Variants in RIMBP2 observed in about 807,000 individuals in gnomAD.
RIMBP2 encodes the protein RIMS-binding protein 2.
In RIMBP2, 48 loss-of-function variants were observed where a neutral mutation model predicts 118.6. The observed-to-expected ratio is 0.40, with a 90% CI of 0.32 to 0.51. The LOEUF (loss-of-function observed/expected upper bound fraction) is 0.51, where lower values mean the gene tolerates loss of function less well. Ranked by LOEUF, RIMBP2 falls within the 20% of genes least tolerant of loss-of-function variation. RIMBP2 has a pLI of 0.41. For missense variants in RIMBP2, 1,551 were observed against 1,768.3 expected (o/e 0.88, Z 2.20); for synonymous variants, 762 against 742.9 (o/e 1.03, Z -0.42).
intron 2 of RIMBP2, among the ~76,000 whole-genome samples, chr12:130,584,103 T>TTAAATCACCAC (rs1491299089): frequency 2.4e-5 from 3 of 127,234 alleles, no homozygotes; most frequent in African/African-American, 9.0e-5. Flanking sequence ...CTCATCACCA[T>TTAAATCACCAC]TACATCACCA....
At chr12:130,561,752 G>A (rs181134638) in intron 2 of RIMBP2, among the ~76,000 whole-genome samples, 1 of 152,222 alleles carries the variant, frequency 6.6e-6, no homozygotes. Flanking sequence ...GAACGCAGAG[G>A]CAGCCATCCT....
chr12:130,526,605 A>G (rs1311297994), intron 2 of RIMBP2, among the ~76,000 whole-genome samples: 2 of 152,150 alleles, frequency 1.3e-5, no homozygotes, highest in African/African-American at 4.8e-5. Context: ...CTGCTCATTC[A>G]TTTTGGCCTT....
chr12:130,694,798 G>A (rs947736788), intron 1 of RIMBP2, among the ~76,000 whole-genome samples: 5 of 152,174 alleles, frequency 3.3e-5, no homozygotes, highest in African/African-American at 1.2e-4. Context: ...CCTGGAGAGG[G>A]CACACAAAGA....
chr12:130,562,422 G>A lies in RIMBP2; in HGVS notation c.-216-44505C>T, dbSNP rs560642918. Among the ~76,000 whole-genome samples, 12 of 152,352 alleles carry A rather than the reference G, an allele frequency of 7.9e-5. No homozygotes were observed. In the East Asian group the frequency reaches 1.2e-3, roughly 15 times the overall value. On this transcript the variant is annotated intron_variant, in intron 2 of 22. Coordinates refer to ENST00000690449, the MANE Select transcript of RIMBP2 (RefSeq NM_001393629.1). ...TTGATCCAGGGACCCTACCTGGCAA[G>A]TGCCTGGCTTCTACTCTTTTCTGTA...
At chr12:130,645,119 T>C (rs1029897460) in intron 1 of RIMBP2, among the ~76,000 whole-genome samples, 25 of 150,588 alleles carry the variant, frequency 1.7e-4, no homozygotes, top group Admixed American at 6.6e-5. Flanking sequence ...TGAGACAGTC[T>C]CACTCTGTTG....
intron 2 of RIMBP2, among the ~76,000 whole-genome samples, chr12:130,544,833 TCTGC>T (rs1317238213): frequency 6.6e-6 from 1 of 151,964 alleles, no homozygotes; most frequent in Non-Finnish European, 1.5e-5. Context: ...GCTCAGGTGA[TCTGC>T]CTGCCTCCAC....
intron 2 of RIMBP2, among the ~76,000 whole-genome samples, chr12:130,604,097 C>T (rs1284121900): frequency 6.6e-6 from 1 of 152,068 alleles, no homozygotes; most frequent in Non-Finnish European, 1.5e-5. Context: ...GATCCTGACC[C>T]CGGGTAGGCC....
intron 4 of RIMBP2, among the ~76,000 whole-genome samples, chr12:130,502,871 A>C (rs2049933425): frequency 6.6e-6 from 1 of 152,040 alleles, no homozygotes; most frequent in South Asian, 2.1e-4. Flanking sequence ...CGTGTGTCTC[A>C]CTATATAGAT....
At chr12:130,498,768 C>T (rs2049449200) in intron 4 of RIMBP2, among the ~76,000 whole-genome samples, 1 of 152,186 alleles carries the variant, frequency 6.6e-6, no homozygotes, top group East Asian at 1.9e-4. Context: ...GGCAAAGAGC[C>T]AGCCAAGGCT....
chr12:130,711,282 C>T (rs1039733691), intron 1 of RIMBP2, among the ~76,000 whole-genome samples: 1 of 152,218 alleles, frequency 6.6e-6, no homozygotes, highest in Non-Finnish European at 1.5e-5. Flanking sequence ...CTCACAAATC[C>T]AGAGAAGCCC....
In RIMBP2 at chr12:130,427,328, C is replaced by T. The variant is rs1366249175; in HGVS notation, c.2412+851G>A. ...AATGGCTTGCCTTTGTCTGTCTCCC[C>T]ATTAGGTTGGGACCTGAAGAGGGCA... On this transcript the variant is annotated intron_variant, in intron 15 of 22. Transcript: ENST00000690449. 4 of 152,270 alleles carry T rather than the reference C, an allele frequency of 2.6e-5. 1 individual carries two copies. 9.4% of individuals were successfully genotyped at this position (152,270 alleles called of 1,614,324 possible).
chr12:130,663,029 A>T (rs2063727109), intron 1 of RIMBP2, among the ~76,000 whole-genome samples: 1 of 152,198 alleles, frequency 6.6e-6, no homozygotes, highest in Non-Finnish European at 1.5e-5. Flanking sequence ...GAAAGAAGGC[A>T]CCTGGATATT....
chr12:130,647,081 C>G (rs1458687646), intron 1 of RIMBP2, among the ~76,000 whole-genome samples: 1 of 152,192 alleles, frequency 6.6e-6, no homozygotes, highest in East Asian at 1.9e-4. Flanking sequence ...ATCTTGGGTT[C>G]CTTCACGGGG....
chr12:130,507,144 C>T (rs2050443092), intron 3 of RIMBP2, among the ~76,000 whole-genome samples: 1 of 152,188 alleles, frequency 6.6e-6, no homozygotes, highest in Non-Finnish European at 1.5e-5. Flanking sequence ...TGTATAGGAA[C>T]CCGGAAGAAC....
At chr12:130,451,748 C>T (rs888965445) in intron 7 of RIMBP2, among the ~76,000 whole-genome samples, 6 of 152,220 alleles carry the variant, frequency 3.9e-5, no homozygotes, top group Non-Finnish European at 7.3e-5. Flanking sequence ...ACAGCGAGAC[C>T]GAGAGAAAGT....
At chr12:130,427,239 C>T (rs1015101179) in intron 15 of RIMBP2, 1 of 152,228 alleles carries the variant, frequency 6.6e-6, no homozygotes, top group Admixed American at 6.5e-5. Flanking sequence ...TGCTGGGAAG[C>T]TTCGTCCCGG....
At chr12:130,530,687 A>G (rs1229545741) in intron 2 of RIMBP2, among the ~76,000 whole-genome samples, 1 of 152,188 alleles carries the variant, frequency 6.6e-6, no homozygotes, top group African/African-American at 2.4e-5. Flanking sequence ...AAGCAATGAA[A>G]AATATTTGAT....
intron 2 of RIMBP2, among the ~76,000 whole-genome samples, chr12:130,606,534 T>C (rs911064418): frequency 2.0e-5 from 3 of 152,208 alleles, no homozygotes; most frequent in African/African-American, 7.2e-5. Flanking sequence ...AGGCGGAAGC[T>C]GAGCCAACAA....
At chr12:130,602,816 C>G (rs2059952096) in intron 2 of RIMBP2, among the ~76,000 whole-genome samples, 1 of 152,106 alleles carries the variant, frequency 6.6e-6, no homozygotes. Flanking sequence ...TTAGCATAAA[C>G]AGAGAAGTGT....
Sources: allele counts gnomAD v4.1 joint callset (sites outside exome capture counted in the v4.1 genomes callset), GRCh38; gene constraint gnomAD v4.1.1; transcripts MANE v1.5; gene names NCBI Gene and HGNC (gene_info 2026-07-23, HGNC 2026-07-21).